The following VPS37A variants were observed in gnomAD, a reference collection of about 807,000 sequenced individuals.
VPS37A encodes VPS37A subunit of ESCRT-I.
VPS37A carries 30 observed loss-of-function variants against 49.8 expected under a neutral mutation model. The ratio of observed to expected loss-of-function variants is 0.60; its 90% CI spans 0.45 to 0.82. VPS37A has a LOEUF of 0.82. VPS37A is among the 40% of genes least tolerant of loss of function. The pLI is 0.00. For synonymous variants in VPS37A, 195 were observed against 160.6 expected (o/e 1.21, Z -1.62); for missense variants, 593 against 464.4 (o/e 1.28, Z -2.55).
intron 1 of VPS37A, among the ~76,000 whole-genome samples, chr8:17,250,167 A>T (rs1811838637): frequency 6.6e-6 from 1 of 152,106 alleles, no homozygotes; most frequent in Non-Finnish European, 1.5e-5. Flanking sequence ...GGTTTCTATG[A>T]CTTCTTCAAT....
downstream of VPS37A, chr8:17,304,468 G>C: frequency 6.2e-7 from 1 of 1,613,922 alleles, no homozygotes; most frequent in South Asian, 1.1e-5. Flanking sequence ...TCAGGTAGTC[G>C]GCCCGATTCT....
At chr8:17,276,211 TA>T (rs1424410163) in intron 5 of VPS37A, among the ~76,000 whole-genome samples, 185 bp from the exon 6 acceptor site, 1 of 152,014 alleles carries the variant, frequency 6.6e-6, no homozygotes, top group Non-Finnish European at 1.5e-5. Context: ...ATCCTATGTA[TA>T]CGACGCTGAA....
chr8:17,328,006 T>G, the VPS37A span, among the ~76,000 whole-genome samples: 25 of 152,350 alleles, frequency 1.6e-4, no homozygotes, highest in East Asian at 4.8e-3. Context: ...GTTGCTCAAT[T>G]TTTAGTTTAA....
the VPS37A span, among the ~76,000 whole-genome samples, chr8:17,318,893 C>T: frequency 6.6e-6 from 1 of 152,180 alleles, no homozygotes; most frequent in Non-Finnish European, 1.5e-5. Flanking sequence ...CTTCCAGGCA[C>T]CCAGCCCTAC....
In VPS37A at chr8:17,296,959, T is replaced by C. The variant is rs1232761035; in HGVS notation, c.*1973T>C. On this transcript the variant is annotated 3_prime_UTR_variant, in exon 12 of 12. Transcript: ENST00000324849. ...TCAGTTTACATAAAGGTTATGTATG[T>C]CACCCACGATGAAAAGAATCTGCAT... is the stretch of plus-strand genomic sequence containing the variant. 18 of 152,212 alleles carry C rather than the reference T, an allele frequency of 1.2e-4. No homozygotes were observed. The highest frequency in any genetic ancestry group is 1.2e-3 in the Admixed American group (18 of 15,280). The allele number at this position is 152,212 out of a possible 1,614,324, so 9.4% of individuals were successfully genotyped here. A position where few individuals can be genotyped will look rare whatever the true frequency, so the allele number is the denominator to read the frequency against.
At position 17,247,138 on chromosome 8, in the gene VPS37A, A is replaced by G; in HGVS notation, c.-107A>G. 2.0e-6 allele frequency: 3 copies of G among 1,475,696 alleles called. No individual in the cohort carries two copies. The highest frequency in any genetic ancestry group is 2.4e-5 in the South Asian group (2 of 82,004). 91.4% of individuals were successfully genotyped at this position (1,475,696 alleles called of 1,614,324 possible). On this transcript the variant is annotated 5_prime_UTR_variant, in exon 1 of 12. Transcript: ENST00000324849. ...AGACGCGGTCCCCAGCGCTTGGGCC[A>G]CGGACGTCCCACCCCGCTCCTCTGT... is the stretch of plus-strand genomic sequence containing the variant.
intron 1 of VPS37A, among the ~76,000 whole-genome samples, chr8:17,250,353 A>T (rs959927510): frequency 6.6e-6 from 1 of 152,218 alleles, no homozygotes; most frequent in Non-Finnish European, 1.5e-5. Flanking sequence ...ACTTACACTT[A>T]AAAGATTTTT....
At chr8:17,279,898 G>A (rs1814875469) in intron 6 of VPS37A, 130 bp from the exon 7 acceptor site, 1 of 1,099,590 alleles carries the variant, frequency 9.1e-7, no homozygotes. Context: ...AAAACTGGCA[G>A]CCTTAGGTGT....
chr8:17,280,177 C>A (rs368156452), intron 7 of VPS37A, 22 bp downstream of exon 7: 3 of 1,611,508 alleles, frequency 1.9e-6, no homozygotes, highest in Non-Finnish European at 2.5e-6. Flanking sequence ...CTCTCCTGAG[C>A]GCACATTTCC....
the VPS37A span, among the ~76,000 whole-genome samples, chr8:17,317,661 G>GA: frequency 3.9e-5 from 6 of 152,166 alleles, no homozygotes; most frequent in Admixed American, 1.3e-4. Context: ...GGGACCCAAT[G>GA]AACTGCTTCT....
At position 17,286,410 on chromosome 8, in the gene VPS37A, T is replaced by C. The variant is rs1295256097; in HGVS notation, c.1177T>C (p.Phe393Leu). Reference protein sequence around the residue: ...LQQAIAMHSQFHAPL With the variant: ...LQQAIAMHSQLHAPL The stretch of plus-strand genomic sequence containing the variant: ...GCAGGCGATAGCAATGCACAGCCAA[T>C]TTCATGCTCCACTATAGGTAAATTG... The change falls in exon 11 of 12, where the codon TTT (phenylalanine) becomes CTT (leucine). Residue 393 changes from phenylalanine to leucine, a missense_variant. Coordinates refer to ENST00000324849, the MANE Select transcript of VPS37A (RefSeq NM_152415.3). 13 of 1,613,724 alleles carry C rather than the reference T, an allele frequency of 8.1e-6. No individual in the cohort carries two copies. Among genetic ancestry groups the C allele is most frequent in the Non-Finnish European group, 1.1e-5 (13 of 1,179,878 alleles).
At chr8:17,299,989 G>A (rs529289862), downstream of VPS37A, 1 of 1,614,104 alleles carries the variant, frequency 6.2e-7, no homozygotes, top group African/African-American at 1.3e-5. Flanking sequence ...GTCACTGTTG[G>A]CTGACAGATC....
At chr8:17,331,051 A>AC in the VPS37A span, 1 of 1,385,432 alleles carries the variant, frequency 7.2e-7, no homozygotes, top group Middle Eastern at 1.8e-4. Flanking sequence ...AAATTATCAC[A>AC]CCTATGTAAA....
chr8:17,302,061 T>C (rs757609561), downstream of VPS37A: 1 of 1,512,088 alleles, frequency 6.6e-7, no homozygotes, highest in Non-Finnish European at 9.1e-7. Flanking sequence ...TGTGAAATAT[T>C]TGTATTGCAC....
the VPS37A span, among the ~76,000 whole-genome samples, chr8:17,319,709 C>T: frequency 2.4e-4 from 37 of 152,324 alleles, no homozygotes; most frequent in African/African-American, 8.2e-4. Flanking sequence ...CAAACAGAGG[C>T]TAAGTGCTTG....
intron 1 of VPS37A, among the ~76,000 whole-genome samples, chr8:17,255,552 T>C (rs1812368551): frequency 6.6e-6 from 1 of 152,146 alleles, no homozygotes; most frequent in African/African-American, 2.4e-5. Flanking sequence ...AGTGATAAAT[T>C]ATTGTTTATT....
At chr8:17,276,297 C>T in intron 5 of VPS37A, 100 bp from the exon 6 acceptor site, 1 of 854,354 alleles carries the variant, frequency 1.2e-6, no homozygotes, top group African/African-American at 1.7e-5. Context: ...ATAATGCAAA[C>T]AGTTATGGGA....
chr8:17,313,930 G>A, the VPS37A span, among the ~76,000 whole-genome samples: 1 of 152,170 alleles, frequency 6.6e-6, no homozygotes, highest in Non-Finnish European at 1.5e-5. Flanking sequence ...CCCACCCAAT[G>A]GGAGTAAGGC....
chr8:17,305,470 C>G (rs1043005616), downstream of VPS37A, among the ~76,000 whole-genome samples: 1 of 152,110 alleles, frequency 6.6e-6, no homozygotes, highest in African/African-American at 2.4e-5. Context: ...AATGCAAAAA[C>G]CACTTTTTTG....
Sources: gnomAD v4.1 joint callset for allele counts (sites outside exome capture counted in the v4.1 genomes callset) on GRCh38, gnomAD v4.1.1 for gene constraint, MANE v1.5 for transcripts, NCBI Gene and HGNC (gene_info 2026-07-23, HGNC 2026-07-21) for gene names.